The following SMYD4 variants were observed in gnomAD, a reference collection of about 807,000 sequenced individuals.
SMYD4 encodes the protein protein-lysine N-methyltransferase SMYD4.
Under a neutral mutation model 72.8 loss-of-function variants are expected in SMYD4, and 68 were observed. The observed-to-expected ratio is 0.93, with a 90% CI of 0.77 to 1.14. The LOEUF (loss-of-function observed/expected upper bound fraction) is 1.14, where lower values mean the gene tolerates loss of function less well. SMYD4 is among the 50% of genes most tolerant of loss of function. The probability of loss-of-function intolerance (pLI) is 0.00; values close to 1 mark genes in which losing one functional copy is unlikely to be tolerated. For synonymous variants in SMYD4, 407 were observed against 388.6 expected (o/e 1.05, Z -0.56); for missense variants, 984 against 1,003.7 (o/e 0.98, Z 0.27).
chr17:1,803,853 G>C (rs1051373914), intron 4 of SMYD4, among the ~76,000 whole-genome samples: 1 of 150,108 alleles, frequency 6.7e-6, no homozygotes, highest in African/African-American at 2.4e-5. Flanking sequence ...TGTGATCAGT[G>C]AAATGACTCA....
chr17:1,784,537 T>C, intron 7 of SMYD4, 76 bp from the exon 8 acceptor site: 1 of 1,573,988 alleles, frequency 6.4e-7, no homozygotes, highest in Non-Finnish European at 8.6e-7. Context: ...ATTACAGGAC[T>C]GCTCCATAGT....
chr17:1,800,784 G>A lies in SMYD4; in HGVS notation c.610C>T (p.Leu204Phe). The change falls in exon 5 of 11, where the codon CTC (leucine) becomes TTC (phenylalanine). Residue 204 changes from leucine to phenylalanine, a missense_variant. Leu to Phe is a conservative substitution (Grantham distance 22). Coordinates refer to ENST00000305513, the MANE Select transcript of SMYD4 (RefSeq NM_052928.3). The part of the protein sequence containing the change: ...LKMKMQEKDS[L>F]TESFPAALAK... ...AGAGCTGCTGGGAAGCTTTCTGTGAGACTGTCCTTTTCTTGCATCTTCATT... is the reference window on the plus strand; with the variant it reads ...AGAGCTGCTGGGAAGCTTTCTGTGAAACTGTCCTTTTCTTGCATCTTCATT... 2 of 1,614,206 alleles carry A rather than the reference G, an allele frequency of 1.2e-6. No individual in the cohort carries two copies. The highest frequency in any genetic ancestry group is 1.7e-6 in the Non-Finnish European group (2 of 1,180,032).
In SMYD4 at chr17:1,800,501, C is replaced by T. The variant is rs1254683052; in HGVS notation, c.893G>A (p.Arg298Gln). Reference protein sequence around the residue: ...RVTNGDLYCHRCLKHTLATVP... With the variant: ...RVTNGDLYCHQCLKHTLATVP... The stretch of plus-strand genomic sequence containing the variant: ...TGTGGCCAAAGTGTGCTTCAAACAT[C>T]GGTGACAATAGAGGTCCCCATTGGT... The change falls in exon 5 of 11, where the codon CGA becomes CAA. Residue 298 changes from arginine (R) to glutamine (Q), a missense_variant. Physicochemically the swap from Arg to Gln is conservative, Grantham distance 43 (BLOSUM62 1). Transcript: ENST00000305513. The T allele has an allele frequency of 3.1e-6, 5 of 1,614,174 alleles. No individual in the cohort carries two copies. Among genetic ancestry groups the T allele is most frequent in the Non-Finnish European group, 4.2e-6 (5 of 1,180,040 alleles).
intron 1 of SMYD4, among the ~76,000 whole-genome samples, chr17:1,828,692 G>A (rs1434325268): frequency 1.3e-5 from 2 of 151,084 alleles, no homozygotes; most frequent in African/African-American, 4.9e-5. Context: ...CCGCCTCCCA[G>A]GTTCAAGCAA....
intron 2 of SMYD4, among the ~76,000 whole-genome samples, chr17:1,820,302 C>T (rs1030807433): frequency 2.0e-5 from 3 of 151,916 alleles, no homozygotes; most frequent in African/African-American, 4.8e-5. Context: ...GACAGTGGTA[C>T]CATCATAGCT....
chr17:1,817,162 C>T (rs1056467785), intron 2 of SMYD4, among the ~76,000 whole-genome samples: 2 of 151,810 alleles, frequency 1.3e-5, no homozygotes, highest in Non-Finnish European at 2.9e-5. Context: ...CTCAGCCTCC[C>T]GAGTAGCCGG....
At chr17:1,798,968 T>C (rs564408073) in intron 5 of SMYD4, among the ~76,000 whole-genome samples, 1 of 151,008 alleles carries the variant, frequency 6.6e-6, no homozygotes, top group South Asian at 2.1e-4. Flanking sequence ...TTTTAAAGAA[T>C]TTCAAAAGAA....
intron 5 of SMYD4, among the ~76,000 whole-genome samples, chr17:1,798,156 T>G (rs1023717941): frequency 1.3e-5 from 2 of 151,774 alleles, no homozygotes; most frequent in East Asian, 3.9e-4. Flanking sequence ...TTTTTTCTCT[T>G]GAGACAGGGT....
chr17:1,816,024 C>T (rs1910574899), intron 2 of SMYD4, among the ~76,000 whole-genome samples: 1 of 152,054 alleles, frequency 6.6e-6, no homozygotes, highest in Non-Finnish European at 1.5e-5. Context: ...TTTAAGCATA[C>T]AGTTCACTGG....
At chr17:1,815,657 T>TAAA (rs75794837) in intron 2 of SMYD4, among the ~76,000 whole-genome samples, 1 of 136,756 alleles carries the variant, frequency 7.3e-6, no homozygotes, top group Non-Finnish European at 1.6e-5. Flanking sequence ...GACCCTGCCT[T>TAAA]AAAAAAAAAA....
chr17:1,797,322 G>C (rs901251213), intron 5 of SMYD4, among the ~76,000 whole-genome samples: 2 of 152,144 alleles, frequency 1.3e-5, no homozygotes, highest in Non-Finnish European at 2.9e-5. Flanking sequence ...AACGGATTGA[G>C]TCAAAAAACA....
chr17:1,829,522 C>G (rs1298138868), intron 1 of SMYD4: 1 of 152,406 alleles, frequency 6.6e-6, no homozygotes, highest in Non-Finnish European at 1.5e-5. Context: ...CCCCCACACA[C>G]TGTCCTCTTC....
rs1406593765 is a variant in SMYD4 at position 1,786,806 on chromosome 17, T to C, written c.1884+4A>G. On this transcript the variant is annotated splice_donor_region_variant and intron_variant, in intron 7 of 10. Transcript: ENST00000305513. ...AAAGTGGAGGAGACAGAAGAGAGAATTACCTGCATGGGCGCTCCGCAACTG... is the reference window on the plus strand; with the variant it reads ...AAAGTGGAGGAGACAGAAGAGAGAACTACCTGCATGGGCGCTCCGCAACTG... The C allele has an allele frequency of 3.1e-6, 5 of 1,613,970 alleles. No homozygotes were observed. The highest frequency in any genetic ancestry group is 4.2e-6 in the Non-Finnish European group (5 of 1,179,884).
At position 1,800,614 on chromosome 17, in the gene SMYD4, CACCAGGAGCTCTCCTGG is replaced by C. The variant is rs753644911; in HGVS notation, c.763_779del (p.Pro255AlafsTer50). 6.2e-6 allele frequency: 10 copies of C among 1,614,050 alleles called. No homozygotes were observed. The highest frequency in any genetic ancestry group is 1.3e-5 in the African/African-American group (1 of 74,948). ...GAACACTCACAAAAGCATCCTCCTG[CACCAGGAGCTCTCCTGG>C]GAGAATATCTTTTGTGGCAACGAGA... On this transcript the variant is annotated frameshift_variant, in exon 5 of 11. Coordinates refer to ENST00000305513, the MANE Select transcript of SMYD4 (RefSeq NM_052928.3). LOFTEE classifies it high-confidence loss of function.
In SMYD4 at chr17:1,783,462, G is replaced by A. The variant is rs142820824; in HGVS notation, c.2035C>T (p.Arg679Trp). ...RDGELERAVQRLSGCQRDAES... is the reference protein window; with the variant it reads ...RDGELERAVQWLSGCQRDAES... ...GCGTCACGCTGGCACCCCGACAGCC[G>A]CTGAACAGCTCGCTCTGTCAATGCA... The change falls in exon 9 of 11, where the codon CGG becomes TGG. Residue 679 changes from arginine to tryptophan, a missense_variant. Arg to Trp is a moderately radical substitution (Grantham distance 101). Transcript: ENST00000305513. The A allele has an allele frequency of 3.5e-5, 57 of 1,609,458 alleles. No homozygotes were observed. In the African/African-American group the frequency reaches 3.7e-4, roughly 11 times the overall value.
At chr17:1,794,039 A>ATATATATATATGTG (rs1567770772) in intron 5 of SMYD4, among the ~76,000 whole-genome samples, 1 of 68,076 alleles carries the variant, frequency 1.5e-5, no homozygotes, top group African/African-American at 8.7e-5. Flanking sequence ...ATATATATGT[A>ATATATATATATGTG]TGTATATATA....
In SMYD4 at chr17:1,829,872, C is replaced by T; in HGVS notation, c.-159G>A. 1 of 375,704 alleles carries T rather than the reference C, an allele frequency of 2.7e-6. No individual in the cohort carries two copies. The highest frequency in any genetic ancestry group is 4.5e-6 in the Non-Finnish European group (1 of 222,102). 23.3% of individuals were successfully genotyped at this position (375,704 alleles called of 1,614,324 possible). On this transcript the variant is annotated 5_prime_UTR_variant, in exon 1 of 11. Coordinates refer to ENST00000305513, the MANE Select transcript of SMYD4 (RefSeq NM_052928.3). Reference sequence around the variant, plus strand: ...CTCCGCCCCGCACCGCGTCCGGCGTCCCGCGCCAGGCCTCGCTTGGGACCA... The same window carrying T: ...CTCCGCCCCGCACCGCGTCCGGCGTTCCGCGCCAGGCCTCGCTTGGGACCA...
intron 5 of SMYD4, among the ~76,000 whole-genome samples, chr17:1,792,207 T>C (rs894702647): frequency 2.6e-5 from 4 of 151,888 alleles, no homozygotes; most frequent in Non-Finnish European, 4.4e-5. Flanking sequence ...CACGCCCGGC[T>C]AATTTTTTGT....
intron 2 of SMYD4, among the ~76,000 whole-genome samples, chr17:1,821,064 C>T (rs1390279849): frequency 1.3e-5 from 2 of 152,062 alleles, no homozygotes; most frequent in African/African-American, 2.4e-5. Context: ...CCAGGGGAAA[C>T]GAGAGCAGTA....
Sources: gnomAD v4.1 joint callset for allele counts (sites outside exome capture counted in the v4.1 genomes callset) on GRCh38, gnomAD v4.1.1 for gene constraint, MANE v1.5 for transcripts, NCBI Gene and HGNC (gene_info 2026-07-23, HGNC 2026-07-21) for gene names.